The following HHIPL1 variants were observed in gnomAD, a reference collection of about 807,000 sequenced individuals.
HHIPL1 encodes the protein HHIP like 1.
A neutral mutation model predicts 61.8 loss-of-function variants in HHIPL1; 43 were observed. That is an observed-to-expected ratio of 0.70 (90% CI 0.55 to 0.90). The LOEUF (loss-of-function observed/expected upper bound fraction) is 0.90. Among genes scored for constraint, HHIPL1 ranks in the 40% least tolerant of loss-of-function variants. The probability of loss-of-function intolerance (pLI) is 0.00; values close to 1 mark genes in which losing one functional copy is unlikely to be tolerated. For synonymous variants in HHIPL1, 482 were observed against 515.8 expected, an observed-to-expected ratio of 0.93 and a Z score of 0.89; for missense variants, 1,056 against 1,157.7, an observed-to-expected ratio of 0.91 and a Z score of 1.28.
intron 8 of HHIPL1, among the ~76,000 whole-genome samples, chr14:99,674,705 C>T (rs1249310800): frequency 2.0e-5 from 3 of 152,188 alleles, no homozygotes; most frequent in Non-Finnish European, 4.4e-5. Flanking sequence ...CCCAGACACT[C>T]CTTCCTTTCA....
intron 2 of HHIPL1, among the ~76,000 whole-genome samples, chr14:99,653,634 A>T (rs1443900656): frequency 6.6e-6 from 1 of 152,042 alleles, no homozygotes; most frequent in Non-Finnish European, 1.5e-5. Flanking sequence ...TCCCACCTGA[A>T]TCCCCTGCCT....
chr14:99,618,306 T>G, the HHIPL1 span, among the ~76,000 whole-genome samples: 1 of 152,148 alleles, frequency 6.6e-6, no homozygotes, highest in African/African-American at 2.4e-5. Flanking sequence ...GTCTGGGAAG[T>G]GGCCAGGCTG....
chr14:99,659,666 G>A lies in HHIPL1; in HGVS notation c.1285G>A (p.Asp429Asn). ...GGGCCAGAACAAGTTCGAGGAGGTGGACGTGGTGGAGCGCGGCGGCAACTA... is the reference window on the plus strand; with the variant it reads ...GGGCCAGAACAAGTTCGAGGAGGTGAACGTGGTGGAGCGCGGCGGCAACTA... ...DVGQNKFEEVDVVERGGNYGW... is the reference protein window; with the variant it reads ...DVGQNKFEEVNVVERGGNYGW... Residue 429 changes from aspartate to asparagine, a missense_variant, in exon 4 of 9, where the codon GAC becomes AAC. Transcript: ENST00000330710. 1 of 1,542,876 alleles carries A rather than the reference G, an allele frequency of 6.5e-7. No homozygotes were observed. The highest frequency in any genetic ancestry group is 1.2e-5 in the South Asian group (1 of 82,690).
At chr14:99,614,758 G>A in the HHIPL1 span, among the ~76,000 whole-genome samples, 1 of 152,132 alleles carries the variant, frequency 6.6e-6, no homozygotes, top group Non-Finnish European at 1.5e-5. Flanking sequence ...GTGCTACTTC[G>A]AATGCATACA....
At chr14:99,637,260 G>GAAAGAAAT in the HHIPL1 span, among the ~76,000 whole-genome samples, 2 of 145,488 alleles carry the variant, frequency 1.4e-5, no homozygotes, top group African/African-American at 5.1e-5. Context: ...AAGAAAGAAA[G>GAAAGAAAT]AAAGAAAAAG....
rs373791086 is a variant in HHIPL1, at chr14:99,671,331, G to A, written c.1731-986G>A. Among the ~76,000 whole-genome samples, 38 of 152,312 alleles carry A rather than the reference G, an allele frequency of 2.5e-4. No individual in the cohort carries two copies. In the East Asian group the frequency reaches 6.9e-3, roughly 28 times the overall value. ...TTCCTTAAGGAACAAAAGCCCCACT[G>A]GGTCTGTCTGAAGTGTGTGGATGTT... is the stretch of plus-strand genomic sequence containing the variant. On this transcript the variant is annotated intron_variant, in intron 7 of 8. Coordinates refer to ENST00000330710, the MANE Select transcript of HHIPL1 (RefSeq NM_001127258.3).
At position 99,672,375 on chromosome 14, in the gene HHIPL1, C is replaced by G; in HGVS notation, c.1789C>G (p.Leu597Val). The change falls in exon 8 of 9, where the codon CTC becomes GTC. Residue 597 changes from leucine (L) to valine (V), a missense_variant. Leu to Val is a conservative substitution (Grantham distance 32). Coordinates refer to ENST00000330710, the MANE Select transcript of HHIPL1 (RefSeq NM_001127258.3). ...QPAQVKIRSR[L>V]IPFVPKEKFI... ...TGCTCAGGTGAAGATCAGAAGCCGTCTCATCCCCTTTGTGCCCAAAGAAAG... is the reference window on the plus strand; with the variant it reads ...TGCTCAGGTGAAGATCAGAAGCCGTGTCATCCCCTTTGTGCCCAAAGAAAG... 1 of 1,551,238 alleles carries G rather than the reference C, an allele frequency of 6.4e-7. No homozygotes were observed.
At chr14:99,637,842 TG>T in the HHIPL1 span, among the ~76,000 whole-genome samples, 2 of 152,058 alleles carry the variant, frequency 1.3e-5, no homozygotes, top group African/African-American at 4.8e-5. Flanking sequence ...ATTTAACAGA[TG>T]AGAAAACCAA....
Position 99,659,711 on chromosome 14 carries a change from G to A in HHIPL1, c.1330G>A (p.Gly444Arg), listed in dbSNP as rs766142770. Residue 444 changes from glycine (G) to arginine (R), a missense_variant, in exon 4 of 9, where the codon GGG (glycine) becomes AGG (arginine). Gly to Arg is a moderately radical substitution (Grantham distance 125, BLOSUM62 -2). Transcript: ENST00000330710. Reference sequence around the variant, plus strand: ...CAACTATGGCTGGCGCGCGCGCGAAGGGTTCGAGTGCTACGACCGCAGCCT... The same window carrying A: ...CAACTATGGCTGGCGCGCGCGCGAAAGGTTCGAGTGCTACGACCGCAGCCT... ...GGNYGWRARE[G>R]FECYDRSLCA... 10 of 1,482,776 alleles carry A rather than the reference G, an allele frequency of 6.7e-6. No individual in the cohort carries two copies. The East Asian group carries it at 2.6e-4, about 38-fold the overall frequency. 91.9% of individuals were successfully genotyped at this position (1,482,776 alleles called of 1,614,324 possible).
the HHIPL1 span, among the ~76,000 whole-genome samples, chr14:99,635,407 G>A: frequency 7.2e-5 from 11 of 152,084 alleles, no homozygotes; most frequent in African/African-American, 1.7e-4. Context: ...CTGAGAAGCC[G>A]GGGAATCAGA....
chr14:99,657,561 G>T (rs955660346), intron 3 of HHIPL1, among the ~76,000 whole-genome samples: 2 of 152,184 alleles, frequency 1.3e-5, no homozygotes, highest in African/African-American at 4.8e-5. Context: ...GAGCAGGGTG[G>T]CAACAGCACG....
the HHIPL1 span, among the ~76,000 whole-genome samples, chr14:99,612,591 GC>G: frequency 6.6e-6 from 1 of 152,098 alleles, no homozygotes; most frequent in Non-Finnish European, 1.5e-5. Context: ...CAGATTCCAG[GC>G]CCCAGACACA....
the HHIPL1 span, among the ~76,000 whole-genome samples, chr14:99,630,666 C>G: frequency 6.6e-6 from 1 of 152,218 alleles, no homozygotes; most frequent in Non-Finnish European, 1.5e-5. Flanking sequence ...GCATGTGGGT[C>G]TCAGGAACAG....
intron 1 of HHIPL1, among the ~76,000 whole-genome samples, chr14:99,649,159 C>T (rs1278297021): frequency 6.6e-6 from 1 of 152,200 alleles, no homozygotes; most frequent in African/African-American, 2.4e-5. Flanking sequence ...AGTACATAGG[C>T]CACGAGGAAG....
In HHIPL1 at chr14:99,679,559, G is replaced by A. The variant is rs975193989; in HGVS notation, c.*3933G>A. The A allele has an allele frequency of 1.3e-5, 2 of 152,246 alleles. No homozygotes were observed. Among genetic ancestry groups the A allele is most frequent in the African/African-American group, 2.4e-5 (1 of 41,454 alleles). The allele number at this position is 152,246 out of a possible 1,614,324, so 9.4% of individuals were successfully genotyped here. A position where few individuals can be genotyped will look rare whatever the true frequency, so the allele number is the denominator to read the frequency against. ...CCCAGGCCCTAGACTGAGCCTAGGG[G>A]TCACCATGTTGATACCTTAGAAATG... On this transcript the variant is annotated 3_prime_UTR_variant, in exon 9 of 9. Coordinates refer to ENST00000330710, the MANE Select transcript of HHIPL1 (RefSeq NM_001127258.3).
chr14:99,652,127 C>A, intron 1 of HHIPL1, 97 bp from the exon 2 acceptor site: 3 of 1,137,600 alleles, frequency 2.6e-6, no homozygotes, highest in Non-Finnish European at 3.7e-6. Context: ...TATGGATCAG[C>A]AGACTGAGGC....
At chr14:99,661,480 T>C (rs1276765681) in intron 5 of HHIPL1, among the ~76,000 whole-genome samples, 1 of 142,320 alleles carries the variant, frequency 7.0e-6, no homozygotes, top group Non-Finnish European at 1.5e-5. Flanking sequence ...GTGATTTTTT[T>C]TTTTTGAGAC....
chr14:99,654,662 A>G (rs2055999070), intron 2 of HHIPL1, among the ~76,000 whole-genome samples: 1 of 152,238 alleles, frequency 6.6e-6, no homozygotes, highest in Non-Finnish European at 1.5e-5. Flanking sequence ...CTTGACACCG[A>G]ATGTATAAAA....
the HHIPL1 span, among the ~76,000 whole-genome samples, chr14:99,608,165 T>C: frequency 6.6e-6 from 1 of 151,936 alleles, no homozygotes; most frequent in Non-Finnish European, 1.5e-5. Flanking sequence ...AGCTGGGGTA[T>C]ACAGAAGGGA....
Sources: allele counts gnomAD v4.1 joint callset (sites outside exome capture counted in the v4.1 genomes callset), GRCh38; gene constraint gnomAD v4.1.1; transcripts MANE v1.5; gene names NCBI Gene and HGNC (gene_info 2026-07-23, HGNC 2026-07-21).